PDE4D: variants seen among roughly 807,000 people sequenced by gnomAD.
PDE4D encodes phosphodiesterase 4D, also known as 3',5'-cyclic-AMP phosphodiesterase 4D.
In PDE4D, 24 loss-of-function variants were observed where a neutral mutation model predicts 87.4. The observed-to-expected ratio is 0.27, with a 90% CI of 0.20 to 0.39. The LOEUF is 0.39. PDE4D is among the 10% of genes least tolerant of loss of function. PDE4D has a pLI of 1.00. For missense variants in PDE4D, 714 were observed against 1,041.0 expected (o/e 0.69, Z 4.32); for synonymous variants, 384 against 383.2 (o/e 1.00, Z -0.02).
chr5:59,958,170 A>G (rs931757513), intron 3 of PDE4D, among the ~76,000 whole-genome samples: 1 of 152,194 alleles, frequency 6.6e-6, no homozygotes, highest in Non-Finnish European at 1.5e-5. Flanking sequence ...AAACATGAAT[A>G]TAATATACAG....
chr5:59,838,066 A>G (rs1466256930), intron 1 of PDE4D, among the ~76,000 whole-genome samples: 5 of 152,118 alleles, frequency 3.3e-5, no homozygotes, highest in African/African-American at 1.2e-4. Flanking sequence ...CTATCATTTC[A>G]TAATCAAGCA....
chr5:59,748,132 C>T (rs1052320703), intron 1 of PDE4D, among the ~76,000 whole-genome samples: 4 of 152,216 alleles, frequency 2.6e-5, no homozygotes, highest in Non-Finnish European at 5.9e-5. Flanking sequence ...GAGTAGTCCT[C>T]TCTCACACTG....
intron 1 of PDE4D, among the ~76,000 whole-genome samples, chr5:60,285,441 G>T (rs1041934645): frequency 2.0e-5 from 3 of 151,380 alleles, no homozygotes; most frequent in Non-Finnish European, 4.4e-5. Flanking sequence ...GTAAAGTCCT[G>T]ATTATTTAGA....
intron 3 of PDE4D, among the ~76,000 whole-genome samples, chr5:59,951,887 A>C (rs1191204052): frequency 1.3e-5 from 2 of 152,176 alleles, no homozygotes; most frequent in African/African-American, 4.8e-5. Context: ...TCCCCGTTAA[A>C]CATCTCTGTT....
chr5:59,334,915 T>A (rs1307658707), intron 1 of PDE4D, among the ~76,000 whole-genome samples: 1 of 152,160 alleles, frequency 6.6e-6, no homozygotes, highest in African/African-American at 2.4e-5. Flanking sequence ...CTGGTACATA[T>A]GTTTTTCCTT....
intron 6 of PDE4D, among the ~76,000 whole-genome samples, chr5:59,032,124 AATATAG>A (rs1207320927): frequency 2.0e-5 from 3 of 152,236 alleles, no homozygotes; most frequent in Non-Finnish European, 4.4e-5. Context: ...TTGGTGAGGT[AATATAG>A]ATATGTTAAT....
intron 1 of PDE4D, among the ~76,000 whole-genome samples, chr5:59,603,584 T>C (rs1360643285): frequency 6.6e-6 from 1 of 151,986 alleles, no homozygotes; most frequent in African/African-American, 2.4e-5. Flanking sequence ...AAAAATAGTA[T>C]GGAGGTTCTT....
intron 10 of PDE4D, among the ~76,000 whole-genome samples, chr5:58,988,859 A>G (rs1045587613): frequency 2.0e-5 from 3 of 152,090 alleles, no homozygotes; most frequent in Admixed American, 6.6e-5. Flanking sequence ...AAACTCTGAA[A>G]TTATTTTAAA....
chr5:60,146,068 G>A (rs535314001), intron 2 of PDE4D, among the ~76,000 whole-genome samples: 1 of 152,232 alleles, frequency 6.6e-6, no homozygotes, highest in Non-Finnish European at 1.5e-5. Flanking sequence ...CAAAAAATTA[G>A]CCAGGTGTGG....
chr5:59,456,230 T>C (rs1799903570), intron 1 of PDE4D, among the ~76,000 whole-genome samples: 2 of 152,146 alleles, frequency 1.3e-5, no homozygotes. Flanking sequence ...ACAATTCCCA[T>C]GTGTCGTGGG....
At chr5:59,107,079 C>A (rs1771713041) in intron 5 of PDE4D, among the ~76,000 whole-genome samples, 1 of 152,116 alleles carries the variant, frequency 6.6e-6, no homozygotes, top group Non-Finnish European at 1.5e-5. Context: ...CTTAGATAAG[C>A]AACTTAAAAT....
At chr5:60,009,985 A>AT (rs1245355665) in intron 2 of PDE4D, among the ~76,000 whole-genome samples, 2 of 151,734 alleles carry the variant, frequency 1.3e-5, no homozygotes, top group Non-Finnish European at 2.9e-5. Context: ...TGTGGCCTCT[A>AT]TTTTTTTTAA....
At chr5:59,432,182 A>G (rs564983216) in intron 1 of PDE4D, among the ~76,000 whole-genome samples, 2 of 152,218 alleles carry the variant, frequency 1.3e-5, no homozygotes, top group East Asian at 1.9e-4. Context: ...AATATACCAC[A>G]CACAATACAC....
intron 1 of PDE4D, among the ~76,000 whole-genome samples, chr5:59,886,167 TG>T: frequency 6.6e-6 from 1 of 152,156 alleles, no homozygotes; most frequent in Non-Finnish European, 1.5e-5. Flanking sequence ...ACATACCTAA[TG>T]GGGGAAACAC....
At chr5:60,241,521 G>A (rs148058207) in intron 1 of PDE4D, among the ~76,000 whole-genome samples, 13 of 152,066 alleles carry the variant, frequency 8.5e-5, no homozygotes, top group South Asian at 2.1e-4. Flanking sequence ...TGATCTGTCC[G>A]CCTTGGCCTC....
chr5:60,114,475 T>C (rs1258871009), intron 2 of PDE4D, among the ~76,000 whole-genome samples: 1 of 152,026 alleles, frequency 6.6e-6, no homozygotes. Flanking sequence ...CTGCAGAACC[T>C]CACAAAATAC....
At chr5:60,132,108 A>C (rs921421073) in intron 2 of PDE4D, among the ~76,000 whole-genome samples, 3 of 152,212 alleles carry the variant, frequency 2.0e-5, no homozygotes, top group African/African-American at 7.2e-5. Flanking sequence ...AATGGGTATT[A>C]GGAAAAGTAA....
intron 1 of PDE4D, among the ~76,000 whole-genome samples, chr5:60,320,930 C>T (rs1583413700): frequency 6.6e-6 from 1 of 152,106 alleles, no homozygotes; most frequent in Non-Finnish European, 1.5e-5. Flanking sequence ...AAAAATTCAA[C>T]CATCATGTGT....
In PDE4D at chr5:59,506,005, T is replaced by C. The variant is rs377600302; in HGVS notation, c.456-290037A>G. 4.6e-5 allele frequency among the ~76,000 whole-genome samples: 7 copies of C among 152,318 alleles called. No individual in the cohort carries two copies. In the East Asian group the frequency reaches 1.2e-3, roughly 25 times the overall value. On this transcript the variant is annotated intron_variant, in intron 1 of 14. Transcript: ENST00000340635. ...AGCAAGACAATGGAATAAATGCTTT[T>C]AATTTTTTTTCAATAATTATGTCAA... is the stretch of plus-strand genomic sequence containing the variant.
Sources: gnomAD v4.1 joint callset for allele counts (sites outside exome capture counted in the v4.1 genomes callset) on GRCh38, gnomAD v4.1.1 for gene constraint, MANE v1.5 for transcripts, NCBI Gene and HGNC (gene_info 2026-07-23, HGNC 2026-07-21) for gene names.